Variants in RALY observed in about 807,000 individuals in gnomAD.
RALY encodes RNA-binding protein Raly.
Under a neutral mutation model 30.7 loss-of-function variants are expected in RALY, and 15 were observed. The observed-to-expected ratio is 0.49, with a 90% CI of 0.33 to 0.75. The LOEUF (loss-of-function observed/expected upper bound fraction) is 0.75, where lower values mean the gene tolerates loss of function less well. RALY is among the 30% of genes least tolerant of loss of function. The pLI, the probability that RALY is intolerant of heterozygous loss-of-function variation, is 0.02. For synonymous variants in RALY, 177 were observed against 170.8 expected (o/e 1.04, Z -0.28); for missense variants, 339 against 414.3 (o/e 0.82, Z 1.58).
intron 2 of RALY, among the ~76,000 whole-genome samples, chr20:34,060,407 A>C (rs2033381935): frequency 1.3e-5 from 2 of 152,238 alleles, no homozygotes; most frequent in Non-Finnish European, 2.9e-5. Flanking sequence ...CAAAATCTAT[A>C]ATCTGAAATG....
chr20:34,070,791 A>G lies in RALY; in HGVS notation c.-9-1275A>G, dbSNP rs181386573. Among the ~76,000 whole-genome samples the G allele has an allele frequency of 4.1e-4, 63 of 152,352 alleles. 1 individual carries two copies. The highest frequency in any genetic ancestry group is 6.8e-3 in the Middle Eastern group (2 of 294). ...AGTATTGTATACCACCCTTAGCCACAGCGAGTGCCTGGTGAGGCTTTGTGT... is the reference window on the plus strand; with the variant it reads ...AGTATTGTATACCACCCTTAGCCACGGCGAGTGCCTGGTGAGGCTTTGTGT... On this transcript the variant is annotated intron_variant, in intron 2 of 9. Transcript: ENST00000246194.
chr20:34,005,302 G>A (rs2031107489), intron 1 of RALY, among the ~76,000 whole-genome samples: 1 of 152,144 alleles, frequency 6.6e-6, no homozygotes, highest in Non-Finnish European at 1.5e-5. Flanking sequence ...ATGAGGTCAG[G>A]AGATCGAGAC....
At chr20:34,010,132 C>T (rs1322566617) in intron 1 of RALY, among the ~76,000 whole-genome samples, 1 of 152,142 alleles carries the variant, frequency 6.6e-6, no homozygotes, top group East Asian at 1.9e-4. Context: ...TTTGCAATCC[C>T]TATTATATAT....
At chr20:34,041,704 A>G (rs1368552320) in intron 2 of RALY, among the ~76,000 whole-genome samples, 2 of 152,296 alleles carry the variant, frequency 1.3e-5, no homozygotes, top group East Asian at 1.9e-4. Flanking sequence ...CCCAGGATCA[A>G]TTGCCATAAA....
intron 2 of RALY, among the ~76,000 whole-genome samples, chr20:34,069,721 C>T (rs1004974412): frequency 5.9e-5 from 9 of 152,212 alleles, no homozygotes; most frequent in Admixed American, 5.2e-4. Flanking sequence ...TGAGCATTTC[C>T]TGCCTCGTAT....
intron 1 of RALY, among the ~76,000 whole-genome samples, chr20:34,011,533 G>T (rs1367918478): frequency 6.6e-6 from 1 of 152,200 alleles, no homozygotes; most frequent in East Asian, 1.9e-4. Context: ...AGGTGGTGGT[G>T]TCAGGGATAT....
intron 9 of RALY, among the ~76,000 whole-genome samples, chr20:34,079,357 A>G (rs544707581): frequency 6.6e-6 from 1 of 152,226 alleles, no homozygotes; most frequent in South Asian, 2.1e-4. Flanking sequence ...GCCACTGTTT[A>G]CCATCTACTC....
chr20:34,077,085 G>T lies in RALY; in HGVS notation c.716G>T (p.Ser239Ile). The T allele has an allele frequency of 6.2e-7, 1 of 1,604,336 alleles. No individual in the cohort carries two copies. Among genetic ancestry groups the T allele is most frequent in the Non-Finnish European group, 8.5e-7 (1 of 1,175,404 alleles). The change falls in exon 8 of 10, where the codon AGC (serine) becomes ATC (isoleucine). Residue 239 changes from serine to isoleucine, a missense_variant. By Grantham distance (142) the Ser-to-Ile change is moderately radical. Around this residue, in one of 2 missense-constraint regions of RALY, gnomAD observed 268 missense variants for 280.6 expected, o/e 0.95. Transcript: ENST00000246194. ...GAGGGGGGGGSGGGGSGGGGG... is the reference protein window; with the variant it reads ...GAGGGGGGGGIGGGGSGGGGG... ...GGCGGCGGCGGCGGTGGTGGTGGCA[G>T]CGGTGGCGGTGGCAGTGGTGGTGGC...
intron 2 of RALY, among the ~76,000 whole-genome samples, chr20:34,039,705 C>G (rs78969044): frequency 0.022 from 3,316 of 152,262 alleles, 66 homozygotes; most frequent in Non-Finnish European, 0.033. Context: ...CCTCATTTAA[C>G]ATTGAGAGAT....
At chr20:34,002,396 A>G (rs1193531147) in intron 1 of RALY, among the ~76,000 whole-genome samples, 2 of 152,230 alleles carry the variant, frequency 1.3e-5, no homozygotes, top group African/African-American at 4.8e-5. Flanking sequence ...AGTACCTCCT[A>G]TATGTTCTTC....
chr20:34,054,359 G>A (rs2033173819), intron 2 of RALY, among the ~76,000 whole-genome samples: 1 of 152,224 alleles, frequency 6.6e-6, no homozygotes, highest in Admixed American at 6.5e-5. Context: ...CAAAAGTGCA[G>A]CAGATGTTGC....
intron 2 of RALY, among the ~76,000 whole-genome samples, chr20:34,056,174 T>G (rs1369500004): frequency 1.3e-5 from 2 of 152,218 alleles, no homozygotes; most frequent in African/African-American, 4.8e-5. Context: ...TCCTAGACTC[T>G]GGGCAAACCA....
At chr20:34,077,492 T>A in intron 8 of RALY, 1 of 721,650 alleles carries the variant, frequency 1.4e-6, no homozygotes, top group Non-Finnish European at 2.2e-6. Flanking sequence ...CATTCTGGCC[T>A]CCGGTTTCCA....
In RALY at chr20:34,021,535, CA is replaced by C. The variant is rs978748984; in HGVS notation, c.-92-9986del. Among the ~76,000 whole-genome samples the C allele has an allele frequency of 4.2e-4, 64 of 152,268 alleles. 1 individual carries two copies. The highest frequency in any genetic ancestry group is 6.8e-3 in the Middle Eastern group (2 of 294). ...CTTTCCTGCAGTAATGACATTAATC[CA>C]TTCATGAAGGCAGAGCCCTCATGCA... On this transcript the variant is annotated intron_variant, in intron 1 of 9. Transcript: ENST00000246194.
At chr20:34,034,570 T>C (rs993463711) in intron 2 of RALY, among the ~76,000 whole-genome samples, 2 of 152,234 alleles carry the variant, frequency 1.3e-5, no homozygotes, top group African/African-American at 4.8e-5. Context: ...TATACATTTA[T>C]ATATGATAAG....
chr20:34,025,985 A>T (rs1323516029), intron 1 of RALY, among the ~76,000 whole-genome samples: 2 of 150,048 alleles, frequency 1.3e-5, no homozygotes, highest in Admixed American at 6.7e-5. Flanking sequence ...TACTGGAGAA[A>T]GGTCCAGAGG....
chr20:34,038,374 C>T (rs1013453616), intron 2 of RALY, among the ~76,000 whole-genome samples: 4 of 151,988 alleles, frequency 2.6e-5, no homozygotes, highest in Admixed American at 6.5e-5. Flanking sequence ...GGTCTGTGAG[C>T]GTTGGTGGTT....
chr20:34,024,810 G>T (rs2031959331), intron 1 of RALY, among the ~76,000 whole-genome samples: 1 of 152,142 alleles, frequency 6.6e-6, no homozygotes, highest in South Asian at 2.1e-4. Flanking sequence ...GTTTTATTAT[G>T]CCTGGGCATA....
chr20:34,052,618 A>G (rs769645944), intron 2 of RALY, among the ~76,000 whole-genome samples: 7 of 152,236 alleles, frequency 4.6e-5, no homozygotes, highest in Non-Finnish European at 8.8e-5. Flanking sequence ...AAATGAGGAA[A>G]CAACAGGCTT....
Sources: allele counts gnomAD v4.1 joint callset (sites outside exome capture counted in the v4.1 genomes callset), GRCh38; gene constraint gnomAD v4.1.1; regional missense constraint gnomAD v4.1.1; transcripts MANE v1.5; gene names NCBI Gene and HGNC (gene_info 2026-07-23, HGNC 2026-07-21).